KCNIP1: variants seen among roughly 807,000 people sequenced by gnomAD.
The protein encoded by KCNIP1 is A-type potassium channel modulatory protein KCNIP1.
Under a neutral mutation model 33.0 loss-of-function variants are expected in KCNIP1, and 18 were observed. That is an observed-to-expected ratio of 0.55 (90% CI 0.38 to 0.81). The LOEUF (loss-of-function observed/expected upper bound fraction) is 0.81. KCNIP1 is among the 30% of genes least tolerant of loss of function. The probability of loss-of-function intolerance (pLI) is 0.00; values close to 1 mark genes in which losing one functional copy is unlikely to be tolerated. For synonymous variants in KCNIP1, 93 were observed against 98.3 expected (o/e 0.95, Z 0.32); for missense variants, 238 against 271.6 (o/e 0.88, Z 0.87).
chr5:170,443,998 T>C (rs1230449575), intron 1 of KCNIP1, among the ~76,000 whole-genome samples: 1 of 152,230 alleles, frequency 6.6e-6, no homozygotes, highest in Non-Finnish European at 1.5e-5. Flanking sequence ...TAAGAAGATA[T>C]ATCTGTTAAT....
At chr5:170,385,242 G>T in intron 1 of KCNIP1, 1 of 1,545,134 alleles carries the variant, frequency 6.5e-7, no homozygotes, top group Non-Finnish European at 8.9e-7. Flanking sequence ...TGAGTAGAAG[G>T]CCAGGGTTCC....
chr5:170,514,388 G>T (rs1755050951), intron 1 of KCNIP1, among the ~76,000 whole-genome samples: 1 of 152,144 alleles, frequency 6.6e-6, no homozygotes, highest in Admixed American at 6.5e-5. Context: ...TCTTCAGGAG[G>T]CTTCCCCACC....
chr5:170,625,215 A>G lies in KCNIP1; in HGVS notation c.62-93543A>G, dbSNP rs891410594. Among the ~76,000 whole-genome samples the G allele has an allele frequency of 3.3e-5, 5 of 152,092 alleles. No individual in the cohort carries two copies. In the South Asian group the frequency reaches 1.0e-3, roughly 32 times the overall value. On this transcript the variant is annotated intron_variant, in intron 1 of 7. Transcript: ENST00000328939. ...GCCCACGTGGCCGCAGGAAAGTCACAAACCCTTGTGCTCCCACAGGGCACA... is the reference window on the plus strand; with the variant it reads ...GCCCACGTGGCCGCAGGAAAGTCACGAACCCTTGTGCTCCCACAGGGCACA...
At chr5:170,493,925 T>C (rs933693500) in intron 1 of KCNIP1, among the ~76,000 whole-genome samples, 2 of 152,138 alleles carry the variant, frequency 1.3e-5, no homozygotes, top group Non-Finnish European at 2.9e-5. Flanking sequence ...ACCCACCTCA[T>C]CTCTCACTGC....
chr5:170,550,140 G>A (rs1000012806), intron 1 of KCNIP1, among the ~76,000 whole-genome samples: 2 of 152,180 alleles, frequency 1.3e-5, no homozygotes, highest in Non-Finnish European at 2.9e-5. Flanking sequence ...CCAGAGCTGG[G>A]AAGTTGACTG....
At chr5:170,390,513 AACAAATATAT>A (rs1250747571) in intron 1 of KCNIP1, among the ~76,000 whole-genome samples, 1,807 of 28,860 alleles carry the variant, frequency 0.063, 78 homozygotes, top group Non-Finnish European at 0.099. Flanking sequence ...AAAAAAAAAA[AACAAATATAT>A]ATATATATAT....
intron 1 of KCNIP1, among the ~76,000 whole-genome samples, chr5:170,648,508 C>A (rs901178044): frequency 6.6e-6 from 1 of 152,100 alleles, no homozygotes; most frequent in Non-Finnish European, 1.5e-5. Context: ...GTGCACATTA[C>A]TAAGTGAAAA....
chr5:170,652,761 G>A (rs910947935), intron 1 of KCNIP1, among the ~76,000 whole-genome samples: 4 of 152,188 alleles, frequency 2.6e-5, no homozygotes, highest in African/African-American at 9.6e-5. Context: ...CCTATAGTAT[G>A]TCAGGCATAT....
At chr5:170,515,956 A>G (rs1392238318) in intron 1 of KCNIP1, among the ~76,000 whole-genome samples, 1 of 152,240 alleles carries the variant, frequency 6.6e-6, no homozygotes, top group African/African-American at 2.4e-5. Context: ...TCTAGGCAGA[A>G]GGAACAGGAT....
intron 1 of KCNIP1, among the ~76,000 whole-genome samples, chr5:170,702,588 A>G (rs1020403977): frequency 1.6e-4 from 25 of 152,174 alleles, no homozygotes; most frequent in African/African-American, 6.0e-4. Context: ...AAGTACAGAA[A>G]GTGAAGGAGA....
chr5:170,460,750 C>A (rs1328817078), intron 1 of KCNIP1, among the ~76,000 whole-genome samples: 1 of 151,672 alleles, frequency 6.6e-6, no homozygotes, highest in East Asian at 1.9e-4. Context: ...AGAACTGGAA[C>A]AAAGATGCCC....
chr5:170,575,757 G>T (rs560999831), intron 1 of KCNIP1, among the ~76,000 whole-genome samples: 1 of 152,314 alleles, frequency 6.6e-6, no homozygotes, highest in East Asian at 1.9e-4. Flanking sequence ...CGGGCCTTTA[G>T]AAGCAAAATT....
chr5:170,668,429 C>T (rs1427378313), intron 1 of KCNIP1, among the ~76,000 whole-genome samples: 3 of 152,230 alleles, frequency 2.0e-5, no homozygotes, highest in African/African-American at 7.2e-5. Context: ...GGACAGGTGG[C>T]TTGCCTGGTC....
chr5:170,681,818 G>A (rs1357632785), intron 1 of KCNIP1, among the ~76,000 whole-genome samples: 1 of 152,174 alleles, frequency 6.6e-6, no homozygotes, highest in Non-Finnish European at 1.5e-5. Flanking sequence ...AACGTTGAAG[G>A]AGTTCAAGAA....
intron 1 of KCNIP1, among the ~76,000 whole-genome samples, chr5:170,643,829 C>T (rs550532172): frequency 6.6e-6 from 1 of 152,330 alleles, no homozygotes; most frequent in African/African-American, 2.4e-5. Flanking sequence ...AGGGCTGCCA[C>T]CCCCTGGCTC....
At chr5:170,674,919 C>T (rs1762069935) in intron 1 of KCNIP1, among the ~76,000 whole-genome samples, 1 of 152,018 alleles carries the variant, frequency 6.6e-6, no homozygotes, top group Non-Finnish European at 1.5e-5. Context: ...CACCTCTTCC[C>T]AATGACAGGT....
chr5:170,481,301 G>A (rs1005340248), intron 1 of KCNIP1, among the ~76,000 whole-genome samples: 1 of 152,160 alleles, frequency 6.6e-6, no homozygotes, highest in Non-Finnish European at 1.5e-5. Context: ...CCCTTCCAAA[G>A]AGCCCCTGTT....
At chr5:170,590,750 A>G (rs76387231) in intron 1 of KCNIP1, among the ~76,000 whole-genome samples, 12,430 of 152,318 alleles carry the variant, frequency 0.082, 583 homozygotes, top group South Asian at 0.12. Context: ...AAACAGCCCC[A>G]AGTGTCTGTG....
chr5:170,685,629 C>T (rs1391781474), intron 1 of KCNIP1, among the ~76,000 whole-genome samples: 1 of 151,850 alleles, frequency 6.6e-6, no homozygotes, highest in African/African-American at 2.4e-5. Flanking sequence ...GCTGGGATTA[C>T]AGGCATGTGC....
Sources: allele counts gnomAD v4.1 joint callset (sites outside exome capture counted in the v4.1 genomes callset), GRCh38; gene constraint gnomAD v4.1.1; transcripts MANE v1.5; gene names NCBI Gene and HGNC (gene_info 2026-07-23, HGNC 2026-07-21).